RORA: variants seen among roughly 807,000 people sequenced by gnomAD.
RORA encodes the protein RAR related orphan receptor A, also known as nuclear receptor ROR-alpha.
A neutral mutation model predicts 69.5 loss-of-function variants in RORA; 7 were observed. That is an observed-to-expected ratio of 0.10 (90% CI 0.06 to 0.19). The LOEUF (loss-of-function observed/expected upper bound fraction) is 0.19, where lower values mean the gene tolerates loss of function less well. Ranked by LOEUF, RORA falls within the 10% of genes least tolerant of loss-of-function variation. The probability of loss-of-function intolerance (pLI) is 1.00; values close to 1 mark genes in which losing one functional copy is unlikely to be tolerated. For synonymous variants in RORA, 261 were observed against 240.8 expected, an observed-to-expected ratio of 1.08 and a Z score of -0.78; for missense variants, 457 against 663.0, an observed-to-expected ratio of 0.69 and a Z score of 3.41.
chr15:60,692,682 G>A (rs1226903114), intron 1 of RORA, among the ~76,000 whole-genome samples: 1 of 152,200 alleles, frequency 6.6e-6, no homozygotes, highest in Admixed American at 6.5e-5. Context: ...GTTGGGTATA[G>A]GGCAGTTCAT....
intron 1 of RORA, among the ~76,000 whole-genome samples, chr15:61,031,032 C>G (rs1230275461): frequency 6.6e-6 from 1 of 152,028 alleles, no homozygotes; most frequent in Non-Finnish European, 1.5e-5. Context: ...TACTTCAAGA[C>G]CAAAACAGTT....
At chr15:60,498,892 A>G (rs548714950) in intron 10 of RORA, among the ~76,000 whole-genome samples, 2 of 152,144 alleles carry the variant, frequency 1.3e-5, no homozygotes, top group South Asian at 2.1e-4. Flanking sequence ...CAAATAAACA[A>G]GAAAACAAAA....
intron 2 of RORA, among the ~76,000 whole-genome samples, chr15:60,566,009 C>T (rs951277134): frequency 2.6e-5 from 4 of 152,134 alleles, no homozygotes; most frequent in African/African-American, 9.7e-5. Flanking sequence ...TAACAGAGAC[C>T]TATAATTAAC....
chr15:60,983,223 C>A (rs538787475), intron 1 of RORA, among the ~76,000 whole-genome samples: 2 of 152,240 alleles, frequency 1.3e-5, no homozygotes, highest in Admixed American at 6.5e-5. Flanking sequence ...GGCATCCAGG[C>A]ACAACTGACC....
intron 2 of RORA, among the ~76,000 whole-genome samples, chr15:60,620,614 C>T (rs903884535): frequency 9.9e-5 from 15 of 152,206 alleles, no homozygotes; most frequent in South Asian, 2.1e-4. Flanking sequence ...TGGGAGGGAG[C>T]AGCAGCTGGG....
chr15:61,204,067 C>T (rs2079917825), intron 1 of RORA, among the ~76,000 whole-genome samples: 1 of 152,172 alleles, frequency 6.6e-6, no homozygotes, highest in South Asian at 2.1e-4. Context: ...TTTCAAGGAG[C>T]TCAACACTGT....
chr15:60,697,193 C>T lies in RORA; in HGVS notation c.167-18507G>A, dbSNP rs371963259. 3.9e-5 allele frequency among the ~76,000 whole-genome samples: 6 copies of T among 152,280 alleles called. No individual in the cohort carries two copies. In the East Asian group the frequency reaches 9.7e-4, roughly 24 times the overall value. On this transcript the variant is annotated intron_variant, in intron 1 of 10. Transcript: ENST00000335670. Reference sequence around the variant, plus strand: ...CATGAACTAAAAGCAACGCCAATTGCTATGGATTGCTTTTTATAGAATTTC... The same window carrying T: ...CATGAACTAAAAGCAACGCCAATTGTTATGGATTGCTTTTTATAGAATTTC...
intron 1 of RORA, among the ~76,000 whole-genome samples, chr15:61,133,524 C>T (rs2079210554): frequency 6.6e-6 from 1 of 152,186 alleles, no homozygotes. Flanking sequence ...GGGCTGATGG[C>T]TGATCAGAGA....
chr15:60,994,344 T>C (rs1167290667), intron 1 of RORA, among the ~76,000 whole-genome samples: 1 of 152,248 alleles, frequency 6.6e-6, no homozygotes, highest in African/African-American at 2.4e-5. Context: ...ATGTAGTAGC[T>C]GTAACTGTAA....
At chr15:60,847,480 C>T (rs1049807964) in intron 1 of RORA, among the ~76,000 whole-genome samples, 4 of 152,010 alleles carry the variant, frequency 2.6e-5, no homozygotes, top group Non-Finnish European at 5.9e-5. Context: ...CCATATGTTC[C>T]GTGACAATGC....
chr15:60,904,599 C>T (rs1281015244), intron 1 of RORA, among the ~76,000 whole-genome samples: 2 of 152,160 alleles, frequency 1.3e-5, no homozygotes, highest in Non-Finnish European at 2.9e-5. Flanking sequence ...CCCTCTCTTC[C>T]AGGGGCTGTG....
Position 60,945,406 on chromosome 15 carries a change from C to T in RORA, c.167-266720G>A, listed in dbSNP as rs537642677. Among the ~76,000 whole-genome samples the T allele has an allele frequency of 9.2e-5, 14 of 152,308 alleles. No homozygotes were observed. The East Asian group carries it at 2.3e-3, about 25-fold the overall frequency. On this transcript the variant is annotated intron_variant, in intron 1 of 10. Transcript: ENST00000335670. The stretch of plus-strand genomic sequence containing the variant: ...ACCAGGTTGGCTCTCTTCCAGGACA[C>T]AGTGGCTTGCATGAGCTCCCGTCAG...
At chr15:60,583,089 A>G (rs2068237278) in intron 2 of RORA, among the ~76,000 whole-genome samples, 1 of 152,186 alleles carries the variant, frequency 6.6e-6, no homozygotes, top group African/African-American at 2.4e-5. Flanking sequence ...TAGATACTAC[A>G]CCAGCATTTT....
In RORA at chr15:60,851,776, G is replaced by T. The variant is rs1488847774; in HGVS notation, c.167-173090C>A. Reference sequence around the variant, plus strand: ...AGTGGGTGGGTGAGAGAGAGAGAGAGATTTTTTTTTTTTCCCCACAATAGT... The same window carrying T: ...AGTGGGTGGGTGAGAGAGAGAGAGATATTTTTTTTTTTTCCCCACAATAGT... On this transcript the variant is annotated intron_variant, in intron 1 of 10. Transcript: ENST00000335670. Among the ~76,000 whole-genome samples, 4 of 148,804 alleles carry T rather than the reference G, an allele frequency of 2.7e-5. No individual in the cohort carries two copies. The East Asian group carries it at 7.8e-4, about 29-fold the overall frequency.
intron 1 of RORA, among the ~76,000 whole-genome samples, chr15:60,766,214 T>G (rs927482096): frequency 6.6e-6 from 1 of 152,104 alleles, no homozygotes; most frequent in African/African-American, 2.4e-5. Flanking sequence ...TATGGAATTG[T>G]GTGTGAGCCT....
At chr15:60,794,053 C>A (rs11631297) in intron 1 of RORA, among the ~76,000 whole-genome samples, 31,914 of 152,166 alleles carry the variant, frequency 0.21, 4,201 homozygotes, top group Non-Finnish European at 0.3. Context: ...TCTTTGGCAG[C>A]CTTTTTACAA....
intron 1 of RORA, among the ~76,000 whole-genome samples, chr15:61,209,926 A>G (rs1254661039): frequency 6.6e-6 from 1 of 152,224 alleles, no homozygotes; most frequent in Non-Finnish European, 1.5e-5. Flanking sequence ...GCCTTGGCAT[A>G]AAGTGAAAAT....
At chr15:61,039,521 A>G (rs764025782) in intron 1 of RORA, among the ~76,000 whole-genome samples, 1 of 151,992 alleles carries the variant, frequency 6.6e-6, no homozygotes, top group Non-Finnish European at 1.5e-5. Context: ...CGAGGCAGGC[A>G]GATCACGAGG....
At chr15:60,933,166 C>T (rs1892423314) in intron 1 of RORA, among the ~76,000 whole-genome samples, 1 of 152,180 alleles carries the variant, frequency 6.6e-6, no homozygotes, top group Admixed American at 6.5e-5. Context: ...CCTCTAGTGC[C>T]ATGATGATCA....
Sources: gnomAD v4.1 joint callset for allele counts (sites outside exome capture counted in the v4.1 genomes callset) on GRCh38, gnomAD v4.1.1 for gene constraint, MANE v1.5 for transcripts, NCBI Gene and HGNC (gene_info 2026-07-23, HGNC 2026-07-21) for gene names.